The following TTC39C variants were observed in gnomAD, a reference collection of about 807,000 sequenced individuals.
TTC39C encodes tetratricopeptide repeat domain 39C.
In TTC39C, 33 loss-of-function variants were observed where a neutral mutation model predicts 76.3. The observed-to-expected ratio is 0.43, with a 90% confidence interval of 0.33 to 0.58. The LOEUF is 0.58. Among genes scored for constraint, TTC39C ranks in the 20% least tolerant of loss-of-function variants. The pLI, the probability that TTC39C is intolerant of heterozygous loss-of-function variation, is 0.04. For missense variants in TTC39C, 595 were observed against 701.4 expected (o/e 0.85, Z 1.71); for synonymous variants, 254 against 260.6 (o/e 0.97, Z 0.24).
At chr18:24,022,082 T>C (rs1221135582) in intron 1 of TTC39C, among the ~76,000 whole-genome samples, 1 of 152,156 alleles carries the variant, frequency 6.6e-6, no homozygotes, top group Non-Finnish European at 1.5e-5. Flanking sequence ...AAACACATAA[T>C]GATAAATGTA....
upstream of TTC39C, among the ~76,000 whole-genome samples, chr18:24,011,650 TA>T (rs2083394079): frequency 6.6e-6 from 1 of 152,354 alleles, no homozygotes; most frequent in East Asian, 1.9e-4. Context: ...CCTTATTTTT[TA>T]AAATCTACCT....
chr18:24,108,112 G>A (rs572551489), intron 6 of TTC39C, among the ~76,000 whole-genome samples: 1 of 152,290 alleles, frequency 6.6e-6, no homozygotes, highest in African/African-American at 2.4e-5. Context: ...ATAGAATTAG[G>A]GAACAAGGGA....
At chr18:24,026,951 C>T (rs1490326159) in intron 1 of TTC39C, among the ~76,000 whole-genome samples, 1 of 152,206 alleles carries the variant, frequency 6.6e-6, no homozygotes, top group African/African-American at 2.4e-5. Flanking sequence ...GGGAAAATGA[C>T]ATTTTGAATC....
chr18:24,125,727 G>A (rs1376370046), intron 10 of TTC39C, 177 bp downstream of exon 10: 3 of 715,922 alleles, frequency 4.2e-6, no homozygotes, highest in Admixed American at 2.8e-5. Context: ...CTTAGGTGAT[G>A]GGAGGAGGAG....
At chr18:24,030,917 A>G (rs997258108) in intron 1 of TTC39C, among the ~76,000 whole-genome samples, 10 of 151,598 alleles carry the variant, frequency 6.6e-5, no homozygotes, top group Non-Finnish European at 1.5e-4. Flanking sequence ...AAGTGCTGGG[A>G]TTACAGGCAT....
intron 8 of TTC39C, among the ~76,000 whole-genome samples, chr18:24,120,389 A>G (rs2084950696): frequency 6.6e-6 from 1 of 152,184 alleles, no homozygotes; most frequent in Non-Finnish European, 1.5e-5. Context: ...GAGCACCGTT[A>G]CACTGTCCTG....
At position 24,014,786 on chromosome 18, in the gene TTC39C, C is replaced by T; in HGVS notation, c.-86C>T. ...CCTCCCGGCTCCGCTTGGCTCCGGG[C>T]AGGTAGAGCCGGGCTCCGGGCGCGC... On this transcript the variant is annotated 5_prime_UTR_variant, in exon 1 of 14. Transcript: ENST00000317571. 2 of 1,172,994 alleles carry T rather than the reference C, an allele frequency of 1.7e-6. No homozygotes were observed. Among genetic ancestry groups the T allele is most frequent in the Non-Finnish European group, 1.1e-6 (1 of 947,832 alleles). 72.7% of individuals were successfully genotyped at this position (1,172,994 alleles called of 1,614,324 possible). A position where few individuals can be genotyped will look rare whatever the true frequency, so the allele number is the denominator to read the frequency against.
intron 1 of TTC39C, among the ~76,000 whole-genome samples, chr18:24,023,981 CATA>C (rs1568409009): frequency 0.072 from 1,280 of 17,818 alleles, 429 homozygotes; most frequent in East Asian, 0.15. Flanking sequence ...TATATATATA[CATA>C]TATATATATA....
intron 10 of TTC39C, among the ~76,000 whole-genome samples, chr18:24,128,349 C>T (rs2085076546): frequency 6.6e-6 from 1 of 151,572 alleles, no homozygotes; most frequent in South Asian, 2.1e-4. Context: ...TTCACATTTA[C>T]CTCTTCCTCT....
chr18:24,022,498 C>G (rs1228372841), intron 1 of TTC39C: 1 of 947,378 alleles, frequency 1.1e-6, no homozygotes, highest in African/African-American at 1.8e-5. Context: ...CTGCATGGCT[C>G]CAGAGTCTGG....
At chr18:24,075,231 A>G (rs2084288431) in intron 4 of TTC39C, among the ~76,000 whole-genome samples, 1 of 152,164 alleles carries the variant, frequency 6.6e-6, no homozygotes, top group Admixed American at 6.5e-5. Flanking sequence ...GCACACCAAC[A>G]TGGCACATGT....
chr18:24,109,907 G>A, intron 6 of TTC39C, among the ~76,000 whole-genome samples: 1 of 152,050 alleles, frequency 6.6e-6, no homozygotes, highest in South Asian at 2.1e-4. Context: ...TCGGGAGGCT[G>A]AGGCATGAAA....
At position 24,125,320 on chromosome 18, in the gene TTC39C, G is replaced by T. The variant is rs1481772563; in HGVS notation, c.1297-107G>T. 4.4e-6 allele frequency: 6 copies of T among 1,351,632 alleles called. No homozygotes were observed. In the African/African-American group the frequency reaches 7.3e-5, roughly 16 times the overall value. 83.7% of individuals were successfully genotyped at this position (1,351,632 alleles called of 1,614,324 possible). ...GTTATTCTTAGCTTTGAAGGAGAGG[G>T]TCATTCACATTGATGATGAACTGTG... On this transcript the variant is annotated intron_variant, in intron 9 of 13. Coordinates refer to ENST00000317571, the MANE Select transcript of TTC39C (RefSeq NM_001135993.2).
At chr18:24,093,558 C>T (rs949757347) in intron 6 of TTC39C, among the ~76,000 whole-genome samples, 11 of 151,708 alleles carry the variant, frequency 7.3e-5, no homozygotes, top group Non-Finnish European at 1.5e-4. Context: ...ATATAAGCTA[C>T]TGATTAAACC....
At chr18:24,113,504 C>A in intron 6 of TTC39C, 1 of 687,954 alleles carries the variant, frequency 1.5e-6, no homozygotes, top group Middle Eastern at 2.4e-4. Context: ...ATAGAGAAAG[C>A]AGCAGGAGAC....
At chr18:24,061,701 G>A (rs1254985767) in intron 1 of TTC39C, among the ~76,000 whole-genome samples, 9 of 151,474 alleles carry the variant, frequency 5.9e-5, no homozygotes, top group South Asian at 4.2e-4. Context: ...GAAGGAGCTC[G>A]AGACCAGCCT....
chr18:24,082,811 T>C, intron 5 of TTC39C, 102 bp from the exon 6 acceptor site: 1 of 1,214,088 alleles, frequency 8.2e-7, no homozygotes, highest in South Asian at 2.1e-5. Flanking sequence ...AGTAAGCTTT[T>C]TGGATAGAGT....
Position 24,108,120 on chromosome 18 carries a change from G to A in TTC39C, c.985-6434G>A, listed in dbSNP as rs1184292428. ...CAAAGCTATAGAATTAGGGAACAAG[G>A]GACTATTGTGTTCTGTGATTTGTCC... is the stretch of plus-strand genomic sequence containing the variant. On this transcript the variant is annotated intron_variant, in intron 6 of 13. Coordinates refer to ENST00000317571, the MANE Select transcript of TTC39C (RefSeq NM_001135993.2). Among the ~76,000 whole-genome samples the A allele has an allele frequency of 2.6e-5, 4 of 152,144 alleles. No individual in the cohort carries two copies. The East Asian group carries it at 5.8e-4, about 22-fold the overall frequency.
At chr18:24,009,651 C>A (rs147633355) in intron 1 of TTC39C, among the ~76,000 whole-genome samples, 2 of 152,336 alleles carry the variant, frequency 1.3e-5, no homozygotes, top group African/African-American at 4.8e-5. Flanking sequence ...CAAAGACACA[C>A]CCCAGTCAAG....
Sources: gnomAD v4.1 joint callset for allele counts (sites outside exome capture counted in the v4.1 genomes callset) on GRCh38, gnomAD v4.1.1 for gene constraint, MANE v1.5 for transcripts, NCBI Gene and HGNC (gene_info 2026-07-23, HGNC 2026-07-21) for gene names.